Variants in TNKS observed in about 807,000 individuals in gnomAD.
TNKS encodes the protein tankyrase, also known as poly [ADP-ribose] polymerase tankyrase-1.
In TNKS, 72 loss-of-function variants were observed where a neutral mutation model predicts 135.8. The observed-to-expected ratio is 0.53, with a 90% CI of 0.44 to 0.64. TNKS has a LOEUF of 0.64. TNKS is among the 30% of genes least tolerant of loss of function. TNKS has a pLI of 0.00. For synonymous variants in TNKS, 849 were observed against 649.3 expected (o/e 1.31, Z -4.68); for missense variants, 1,769 against 1,674.0 (o/e 1.06, Z -0.99).
At chr8:9,618,320 A>G (rs959546745) in intron 3 of TNKS, among the ~76,000 whole-genome samples, 6 of 152,192 alleles carry the variant, frequency 3.9e-5, no homozygotes, top group South Asian at 2.1e-4. Context: ...TAATAAAGCT[A>G]TACAAAGCAA....
At chr8:9,575,253 A>T (rs1056249274) in intron 1 of TNKS, 1 of 517,588 alleles carries the variant, frequency 1.9e-6, no homozygotes, top group African/African-American at 2.1e-5. Context: ...CGCAGGGCTA[A>T]TTTTTTGTAT....
At chr8:9,696,787 G>C (rs972169159) in intron 5 of TNKS, among the ~76,000 whole-genome samples, 2 of 152,072 alleles carry the variant, frequency 1.3e-5, no homozygotes, top group Non-Finnish European at 2.9e-5. Context: ...AAACACTGCT[G>C]AAAGAAATCA....
chr8:9,712,157 T>C (rs1434119555), intron 11 of TNKS, among the ~76,000 whole-genome samples: 1 of 152,180 alleles, frequency 6.6e-6, no homozygotes, highest in African/African-American at 2.4e-5. Context: ...GCAACTAATA[T>C]AGCCATTCAA....
At chr8:9,709,751 T>C (rs999223421) in intron 9 of TNKS, among the ~76,000 whole-genome samples, 2 of 152,254 alleles carry the variant, frequency 1.3e-5, no homozygotes, top group Non-Finnish European at 1.5e-5. Context: ...AGAGCATAAT[T>C]TCACCTTGGT....
chr8:9,558,574 G>A (rs1300342952), intron 1 of TNKS: 1 of 152,142 alleles, frequency 6.6e-6, no homozygotes, highest in East Asian at 1.9e-4. Flanking sequence ...TTATATTTAT[G>A]TGTATTAATG....
At chr8:9,684,511 A>G (rs1443644229) in intron 5 of TNKS, among the ~76,000 whole-genome samples, 1 of 152,026 alleles carries the variant, frequency 6.6e-6, no homozygotes, top group African/African-American at 2.4e-5. Context: ...AAATGTCCAA[A>G]ATTATCCATT....
intron 2 of TNKS, among the ~76,000 whole-genome samples, chr8:9,596,267 ATCTGAAAC>A (rs1407607175): frequency 6.6e-6 from 1 of 152,144 alleles, no homozygotes; most frequent in Non-Finnish European, 1.5e-5. Flanking sequence ...TTATCATGTT[ATCTGAAAC>A]TCATATATTA....
At chr8:9,613,046 C>T (rs554656077) in intron 2 of TNKS, among the ~76,000 whole-genome samples, 1 of 152,070 alleles carries the variant, frequency 6.6e-6, no homozygotes, top group East Asian at 1.9e-4. Flanking sequence ...TTCTTGCTGT[C>T]TCAGGGGTGG....
intron 2 of TNKS, among the ~76,000 whole-genome samples, chr8:9,580,769 C>T (rs865793978): frequency 2.6e-5 from 4 of 152,082 alleles, no homozygotes; most frequent in South Asian, 4.1e-4. Context: ...CAAGGAAACT[C>T]ATCTAGTATA....
chr8:9,663,917 C>T (rs534949430), intron 3 of TNKS, among the ~76,000 whole-genome samples: 9 of 152,244 alleles, frequency 5.9e-5, no homozygotes, highest in African/African-American at 2.2e-4. Flanking sequence ...TGGGGTTTCT[C>T]TGGAGGCTTC....
intron 5 of TNKS, among the ~76,000 whole-genome samples, chr8:9,700,159 G>T (rs2128805491): frequency 6.6e-6 from 1 of 152,190 alleles, no homozygotes; most frequent in South Asian, 2.1e-4. Flanking sequence ...CCTTCCATGG[G>T]ATTTGTCCAC....
chr8:9,615,951 A>C (rs1342104527), intron 3 of TNKS, among the ~76,000 whole-genome samples: 1 of 152,172 alleles, frequency 6.6e-6, no homozygotes, highest in African/African-American at 2.4e-5. Context: ...TTTATATCAT[A>C]ATTTTTCTGT....
intron 26 of TNKS, among the ~76,000 whole-genome samples, chr8:9,772,679 G>C (rs1807981847): frequency 6.6e-6 from 1 of 151,922 alleles, no homozygotes; most frequent in Non-Finnish European, 1.5e-5. Flanking sequence ...AAAATTATAA[G>C]GTTGATTCTG....
chr8:9,668,938 T>C (rs1022465533), intron 3 of TNKS, among the ~76,000 whole-genome samples: 2 of 152,102 alleles, frequency 1.3e-5, no homozygotes, highest in Non-Finnish European at 2.9e-5. Context: ...TGGGGACTCA[T>C]ACATTTATAC....
At chr8:9,729,640 T>C (rs1352380209) in intron 13 of TNKS, among the ~76,000 whole-genome samples, 1 of 152,170 alleles carries the variant, frequency 6.6e-6, no homozygotes, top group African/African-American at 2.4e-5. Context: ...TTGACAAGGA[T>C]AACTCACTTA....
chr8:9,616,604 G>A (rs533978740), intron 3 of TNKS, among the ~76,000 whole-genome samples: 1 of 152,290 alleles, frequency 6.6e-6, no homozygotes, highest in African/African-American at 2.4e-5. Context: ...ATACTGAGGC[G>A]AAGGGAAAAC....
In TNKS at chr8:9,596,862, C is replaced by T. The variant is rs190362613; in HGVS notation, c.898+16479C>T. ...GTTCTGAGGATTGAGGGAACCAGGC[C>T]AGGAAATGTTCTAGTGGGTCCCCTA... On this transcript the variant is annotated intron_variant, in intron 2 of 26. Coordinates refer to ENST00000310430, the MANE Select transcript of TNKS (RefSeq NM_003747.3). Among the ~76,000 whole-genome samples, 155 of 152,296 alleles carry T rather than the reference C, an allele frequency of 1.0e-3. 3 individuals are homozygous for T. Among genetic ancestry groups the T allele is most frequent in the Admixed American group, 9.0e-3 (138 of 15,300 alleles).
intron 5 of TNKS, among the ~76,000 whole-genome samples, chr8:9,688,652 T>C (rs962066862): frequency 6.6e-6 from 1 of 152,158 alleles, no homozygotes; most frequent in East Asian, 1.9e-4. Context: ...TTTCTTTTTT[T>C]CTTTTGAGAC....
intron 2 of TNKS, among the ~76,000 whole-genome samples, chr8:9,613,265 A>G (rs1225202089): frequency 6.6e-6 from 1 of 152,220 alleles, no homozygotes; most frequent in African/African-American, 2.4e-5. Flanking sequence ...CGTCACTGGT[A>G]GAGTTGAGAG....
Sources: gnomAD v4.1 joint callset for allele counts (sites outside exome capture counted in the v4.1 genomes callset) on GRCh38, gnomAD v4.1.1 for gene constraint, MANE v1.5 for transcripts, NCBI Gene and HGNC (gene_info 2026-07-23, HGNC 2026-07-21) for gene names.